The following NRG3 variants were observed in gnomAD, a reference collection of about 807,000 sequenced individuals.
The protein encoded by NRG3 is neuregulin 3.
NRG3 carries 31 observed loss-of-function variants against 66.9 expected under a neutral mutation model. The observed-to-expected ratio is 0.46, with a 90% CI of 0.35 to 0.63. The LOEUF (loss-of-function observed/expected upper bound fraction) is 0.63, where lower values mean the gene tolerates loss of function less well. Among genes scored for constraint, NRG3 ranks in the 20% least tolerant of loss-of-function variants. The probability of loss-of-function intolerance (pLI) is 0.00; values close to 1 mark genes in which losing one functional copy is unlikely to be tolerated. For synonymous variants in NRG3, 393 were observed against 359.4 expected (o/e 1.09, Z -1.06); for missense variants, 910 against 878.9 (o/e 1.04, Z -0.45).
intron 1 of NRG3, among the ~76,000 whole-genome samples, chr10:82,175,782 G>A (rs937366949): frequency 2.9e-4 from 44 of 152,048 alleles, no homozygotes; most frequent in African/African-American, 1.0e-3. Flanking sequence ...AGAATTATTG[G>A]CTAAGTTGCT....
At chr10:82,954,420 A>G (rs1849831359) in intron 5 of NRG3, among the ~76,000 whole-genome samples, 1 of 151,850 alleles carries the variant, frequency 6.6e-6, no homozygotes, top group South Asian at 2.1e-4. Context: ...GAGGAGTCAA[A>G]GTGTTTAATG....
intron 1 of NRG3, among the ~76,000 whole-genome samples, chr10:82,134,107 G>A (rs1019893939): frequency 2.0e-5 from 3 of 150,904 alleles, no homozygotes; most frequent in Non-Finnish European, 3.0e-5. Flanking sequence ...TTTTTGATGG[G>A]GTTGTTTGTT....
intron 1 of NRG3, among the ~76,000 whole-genome samples, chr10:82,000,957 T>C (rs2061140430): frequency 6.6e-6 from 1 of 152,152 alleles, no homozygotes; most frequent in Non-Finnish European, 1.5e-5. Flanking sequence ...CAGTTTTTAA[T>C]AGAATACCCT....
At chr10:82,737,848 G>T (rs2058230884) in intron 2 of NRG3, among the ~76,000 whole-genome samples, 1 of 152,196 alleles carries the variant, frequency 6.6e-6, no homozygotes, top group Admixed American at 6.5e-5. Flanking sequence ...CCTTTTTGGT[G>T]CTTCCAGGCA....
At chr10:81,885,396 A>G (rs1168020987) in intron 1 of NRG3, among the ~76,000 whole-genome samples, 3 of 152,200 alleles carry the variant, frequency 2.0e-5, no homozygotes, top group Non-Finnish European at 4.4e-5. Context: ...TGCCTGCTGC[A>G]GAACATCTGA....
At chr10:82,886,447 C>T (rs748326843) in intron 4 of NRG3, among the ~76,000 whole-genome samples, 1 of 152,220 alleles carries the variant, frequency 6.6e-6, no homozygotes, top group African/African-American at 2.4e-5. Context: ...CAGATTGGAT[C>T]GATACGTTTT....
intron 6 of NRG3, among the ~76,000 whole-genome samples, chr10:82,969,774 T>G (rs1274898534): frequency 1.3e-5 from 2 of 152,222 alleles, no homozygotes; most frequent in Non-Finnish European, 2.9e-5. Flanking sequence ...AGTTAATAAT[T>G]TCTTTTAACT....
At chr10:82,328,196 G>A (rs1275967523) in intron 1 of NRG3, among the ~76,000 whole-genome samples, 1 of 152,122 alleles carries the variant, frequency 6.6e-6, no homozygotes, top group Non-Finnish European at 1.5e-5. Context: ...TGGCTCAGAG[G>A]TTTATGGAAA....
At chr10:82,394,517 C>A (rs1282166380) in intron 2 of NRG3, among the ~76,000 whole-genome samples, 1 of 152,144 alleles carries the variant, frequency 6.6e-6, no homozygotes, top group East Asian at 1.9e-4. Flanking sequence ...TTTCTACTCT[C>A]TTCTTTGCTG....
chr10:82,162,979 G>A (rs1465771144), intron 1 of NRG3, among the ~76,000 whole-genome samples: 3 of 152,076 alleles, frequency 2.0e-5, no homozygotes, highest in African/African-American at 4.8e-5. Flanking sequence ...GACAGAGAAT[G>A]GAGTTTGTGC....
At chr10:82,339,441 C>T (rs978402456) in intron 1 of NRG3, among the ~76,000 whole-genome samples, 4 of 152,038 alleles carry the variant, frequency 2.6e-5, no homozygotes, top group African/African-American at 4.8e-5. Flanking sequence ...GCAGAAGAAA[C>T]GCCAGAGGCT....
At chr10:82,239,627 T>C (rs992684705) in intron 1 of NRG3, among the ~76,000 whole-genome samples, 1 of 152,204 alleles carries the variant, frequency 6.6e-6, no homozygotes, top group Non-Finnish European at 1.5e-5. Context: ...ATATCACAAA[T>C]ATCCTTCTTC....
At chr10:82,259,037 G>A (rs1424380502) in intron 1 of NRG3, among the ~76,000 whole-genome samples, 1 of 152,164 alleles carries the variant, frequency 6.6e-6, no homozygotes, top group African/African-American at 2.4e-5. Context: ...TGGGTGCTGG[G>A]TGTGACAGTC....
At chr10:82,131,253 C>T (rs1288207862) in intron 1 of NRG3, among the ~76,000 whole-genome samples, 1 of 152,098 alleles carries the variant, frequency 6.6e-6, no homozygotes, top group Non-Finnish European at 1.5e-5. Flanking sequence ...TTTCATTGTT[C>T]TGCATATGGA....
intron 1 of NRG3, among the ~76,000 whole-genome samples, chr10:82,081,300 A>G (rs2065376774): frequency 6.6e-6 from 1 of 152,224 alleles, no homozygotes; most frequent in African/African-American, 2.4e-5. Context: ...GTTGCAGACA[A>G]GAACACAAAG....
intron 1 of NRG3, among the ~76,000 whole-genome samples, chr10:82,245,623 A>T (rs967341046): frequency 1.3e-5 from 2 of 152,230 alleles, no homozygotes; most frequent in African/African-American, 4.8e-5. Context: ...AAAGAGAAAC[A>T]TGGCACTTAG....
At chr10:82,965,344 C>T (rs1851105709) in intron 6 of NRG3, among the ~76,000 whole-genome samples, 2 of 152,134 alleles carry the variant, frequency 1.3e-5, no homozygotes, top group African/African-American at 2.4e-5. Context: ...CTAATCTGAG[C>T]ACTTAAATTT....
chr10:82,013,872 T>C (rs1174264388), intron 1 of NRG3, among the ~76,000 whole-genome samples: 1 of 152,218 alleles, frequency 6.6e-6, no homozygotes, highest in African/African-American at 2.4e-5. Context: ...TCGTATTTTT[T>C]TTCTTGGCTA....
intron 2 of NRG3, among the ~76,000 whole-genome samples, chr10:82,387,717 C>G (rs11194101): frequency 0.13 from 20,293 of 152,120 alleles, 1,590 homozygotes; most frequent in East Asian, 0.29. Context: ...TGGCTATGAA[C>G]TCACCCACCA....
Sources: gnomAD v4.1 joint callset for allele counts (sites outside exome capture counted in the v4.1 genomes callset) on GRCh38, gnomAD v4.1.1 for gene constraint, MANE v1.5 for transcripts, NCBI Gene and HGNC (gene_info 2026-07-23, HGNC 2026-07-21) for gene names.